The following TNPO3 variants were observed in gnomAD, a reference collection of about 807,000 sequenced individuals.
TNPO3 encodes transportin-3.
A neutral mutation model predicts 122.8 loss-of-function variants in TNPO3; 65 were observed. That is an observed-to-expected ratio of 0.53 (90% CI 0.43 to 0.65). The LOEUF is 0.65. Ranked by LOEUF, TNPO3 falls within the 30% of genes least tolerant of loss-of-function variation. The pLI, the probability that TNPO3 is intolerant of heterozygous loss-of-function variation, is 0.00. For missense variants in TNPO3, 850 were observed against 1,136.7 expected, an observed-to-expected ratio of 0.75 and a Z score of 3.63; for synonymous variants, 372 against 411.2, an observed-to-expected ratio of 0.90 and a Z score of 1.15.
chr7:128,959,721 G>A (rs1172314926), intron 21 of TNPO3, among the ~76,000 whole-genome samples: 1 of 151,992 alleles, frequency 6.6e-6, no homozygotes, highest in Non-Finnish European at 1.5e-5. Context: ...CCATAGAAAT[G>A]GATCAAAAAG....
chr7:129,007,424 T>C (rs1802697492), intron 4 of TNPO3, among the ~76,000 whole-genome samples: 1 of 152,242 alleles, frequency 6.6e-6, no homozygotes, highest in Admixed American at 6.5e-5. Context: ...TAATCTATCT[T>C]ACTAATATTA....
intron 1 of TNPO3, among the ~76,000 whole-genome samples, chr7:129,035,442 A>G (rs1806518311): frequency 6.6e-6 from 1 of 152,144 alleles, no homozygotes; most frequent in Non-Finnish European, 1.5e-5. Flanking sequence ...GTCTCTACAC[A>G]AAAAAGAAAG....
chr7:129,054,790 G>A lies in TNPO3; in HGVS notation c.-20C>T. On this transcript the variant is annotated 5_prime_UTR_variant, in exon 1 of 23. Coordinates refer to ENST00000265388, the MANE Select transcript of TNPO3 (RefSeq NM_012470.4). Reference sequence around the variant, plus strand: ...TTCCATGGTGGTGGCGGTAGTGGCGGTAGCGACGGCTCTGATTCTTCTCCG... The same window carrying A: ...TTCCATGGTGGTGGCGGTAGTGGCGATAGCGACGGCTCTGATTCTTCTCCG... The A allele has an allele frequency of 6.2e-7, 1 of 1,613,976 alleles. No individual in the cohort carries two copies. The highest frequency in any genetic ancestry group is 8.5e-7 in the Non-Finnish European group (1 of 1,179,972).
chr7:128,989,927 G>A, intron 11 of TNPO3, 34 bp downstream of exon 11: 2 of 1,598,368 alleles, frequency 1.3e-6, no homozygotes, highest in South Asian at 2.2e-5. Context: ...AAAATGACAA[G>A]TTAGAAGTGG....
chr7:128,958,983 AAC>A (rs1369328381), intron 21 of TNPO3, among the ~76,000 whole-genome samples: 3 of 152,254 alleles, frequency 2.0e-5, no homozygotes, highest in African/African-American at 7.2e-5. Flanking sequence ...CAGGCTGGGC[AAC>A]AGAGTGAGAC....
At chr7:129,008,628 A>G (rs1037797878) in intron 4 of TNPO3, among the ~76,000 whole-genome samples, 6 of 152,226 alleles carry the variant, frequency 3.9e-5, no homozygotes, top group Non-Finnish European at 8.8e-5. Context: ...GGAGCACTTA[A>G]TTTAATACGG....
At chr7:129,037,811 A>G (rs976396726) in intron 1 of TNPO3, among the ~76,000 whole-genome samples, 20 of 152,194 alleles carry the variant, frequency 1.3e-4, no homozygotes, top group Non-Finnish European at 2.6e-4. Context: ...GGACAGGCAT[A>G]AAACAGTCTT....
chr7:129,055,815 A>G (rs2150589689), upstream of TNPO3: 1 of 506,916 alleles, frequency 2.0e-6, no homozygotes, highest in Non-Finnish European at 3.5e-6. Context: ...TGGAGAAATT[A>G]GGGACAAAAG....
At chr7:128,969,250 C>G (rs1393376620) in intron 20 of TNPO3, among the ~76,000 whole-genome samples, 2 of 152,112 alleles carry the variant, frequency 1.3e-5, no homozygotes, top group African/African-American at 2.4e-5. Flanking sequence ...AGGTCAAGGA[C>G]TTTTGAATTA....
chr7:128,970,902 G>A (rs750481148), intron 19 of TNPO3: 5 of 151,974 alleles, frequency 3.3e-5, no homozygotes, highest in Non-Finnish European at 7.3e-5. Flanking sequence ...CTCCTGGGTT[G>A]CCTAAGGAGG....
At chr7:128,965,931 G>A (rs1401632121) in intron 21 of TNPO3, among the ~76,000 whole-genome samples, 1 of 152,178 alleles carries the variant, frequency 6.6e-6, no homozygotes, top group Non-Finnish European at 1.5e-5. Flanking sequence ...GGGGAGAGGG[G>A]AGAATGGAGA....
intron 5 of TNPO3, 119 bp from the exon 6 acceptor site, chr7:129,001,353 T>C (rs555310202): frequency 1.3e-6 from 1 of 785,736 alleles, no homozygotes; most frequent in South Asian, 3.0e-5. Context: ...AAAATATAAG[T>C]AAATAATAAT....
rs538337275 is a variant in TNPO3 at position 129,001,128 on chromosome 7, T to C, written c.803A>G (p.Gln268Arg). The C allele has an allele frequency of 6.2e-7, 1 of 1,614,180 alleles. No homozygotes were observed. Among genetic ancestry groups the C allele is most frequent in the Admixed American group, 1.7e-5 (1 of 60,010 alleles). The change falls in exon 6 of 23, where the codon CAA becomes CGA. Residue 268 changes from glutamine to arginine, a missense_variant. Coordinates refer to ENST00000265388, the MANE Select transcript of TNPO3 (RefSeq NM_012470.4). ...CAATGTCAGCACTCCCTGAAAAAGTTGCATGGCTAATGGCAAGTTAGTCTC... is the reference window on the plus strand; with the variant it reads ...CAATGTCAGCACTCCCTGAAAAAGTCGCATGGCTAATGGCAAGTTAGTCTC... ...NVETNLPLAM[Q>R]LFQGVLTLET...
intron 1 of TNPO3, among the ~76,000 whole-genome samples, chr7:129,047,204 A>T (rs1808159613): frequency 6.6e-6 from 1 of 152,212 alleles, no homozygotes; most frequent in Non-Finnish European, 1.5e-5. Context: ...TTTTGAGGTA[A>T]TATCTAACCC....
intron 4 of TNPO3, among the ~76,000 whole-genome samples, chr7:129,013,826 A>G (rs1447080547): frequency 6.6e-6 from 1 of 152,200 alleles, no homozygotes; most frequent in Non-Finnish European, 1.5e-5. Flanking sequence ...AGCAACATGG[A>G]CGGCACTGTT....
intron 5 of TNPO3, among the ~76,000 whole-genome samples, chr7:129,002,168 C>A (rs1426571637): frequency 6.6e-6 from 1 of 152,190 alleles, no homozygotes; most frequent in Non-Finnish European, 1.5e-5. Context: ...TAATACCTAG[C>A]TGAGCCATCA....
At chr7:129,050,611 G>C (rs1458922831) in intron 1 of TNPO3, among the ~76,000 whole-genome samples, 1 of 152,076 alleles carries the variant, frequency 6.6e-6, no homozygotes, top group Non-Finnish European at 1.5e-5. Flanking sequence ...TGGACTCTTA[G>C]ACAACAGACT....
At chr7:128,989,842 T>C in intron 11 of TNPO3, 119 bp downstream of exon 11, 3 of 1,143,784 alleles carry the variant, frequency 2.6e-6, no homozygotes, top group Non-Finnish European at 3.7e-6. Flanking sequence ...TACTCTCAGT[T>C]TCTATAAACA....
Position 128,971,197 on chromosome 7 carries a change from G to C in TNPO3, c.2431-882C>G, listed in dbSNP as rs531963398. Among the ~76,000 whole-genome samples the C allele has an allele frequency of 4.6e-5, 7 of 150,904 alleles. No individual in the cohort carries two copies. In the South Asian group the frequency reaches 1.5e-3, roughly 32 times the overall value. Reference sequence around the variant, plus strand: ...GTCTTGCTCTGTCACCCAGGCTGGAGTGCAGTGGCCTGATCTTAGCTAACT... The same window carrying C: ...GTCTTGCTCTGTCACCCAGGCTGGACTGCAGTGGCCTGATCTTAGCTAACT... On this transcript the variant is annotated intron_variant, in intron 19 of 22. Coordinates refer to ENST00000265388, the MANE Select transcript of TNPO3 (RefSeq NM_012470.4).
Sources: gnomAD v4.1 joint callset for allele counts (sites outside exome capture counted in the v4.1 genomes callset) on GRCh38, gnomAD v4.1.1 for gene constraint, MANE v1.5 for transcripts, NCBI Gene and HGNC (gene_info 2026-07-23, HGNC 2026-07-21) for gene names.